Variants in LUC7L2 observed in about 807,000 individuals in gnomAD.
LUC7L2 encodes LUC7 like 2, pre-mRNA splicing factor.
In LUC7L2, 25 loss-of-function variants were observed where a neutral mutation model predicts 52.8. The observed-to-expected ratio is 0.47, with a 90% CI of 0.34 to 0.66. The LOEUF is 0.66. Among genes scored for constraint, LUC7L2 ranks in the 30% least tolerant of loss-of-function variants. LUC7L2 has a pLI of 0.01. For missense variants in LUC7L2, 328 were observed against 497.8 expected, an observed-to-expected ratio of 0.66 and a Z score of 3.25; for synonymous variants, 144 against 160.9, an observed-to-expected ratio of 0.89 and a Z score of 0.80.
At chr7:139,343,397 A>G (rs1466391348) in intron 1 of LUC7L2, among the ~76,000 whole-genome samples, 1 of 152,232 alleles carries the variant, frequency 6.6e-6, no homozygotes, top group Non-Finnish European at 1.5e-5. Flanking sequence ...AACATAGTGT[A>G]GTGAGACTTC....
intron 1 of LUC7L2, chr7:139,375,091 T>C: frequency 3.1e-5 from 31 of 984,220 alleles, no homozygotes; most frequent in Non-Finnish European, 3.7e-5. Context: ...CTTATCATTC[T>C]ATATAGAAAG....
At chr7:139,408,485 AAAAT>A (rs1795212824) in intron 6 of LUC7L2, among the ~76,000 whole-genome samples, 1 of 152,218 alleles carries the variant, frequency 6.6e-6, no homozygotes, top group South Asian at 2.1e-4. Context: ...TAAAAAATAC[AAAAT>A]AATACTAGAA....
chr7:139,387,760 C>CT (rs528269638), intron 2 of LUC7L2, among the ~76,000 whole-genome samples: 18 of 151,724 alleles, frequency 1.2e-4, no homozygotes, highest in East Asian at 1.9e-4. Flanking sequence ...TTTTCTTTTC[C>CT]TTTTTTTTGG....
At position 139,422,694 on chromosome 7, in the gene LUC7L2, T is replaced by G. The variant is rs1795954793; in HGVS notation, c.*354T>G. 1 of 408,250 alleles carries G rather than the reference T, an allele frequency of 2.4e-6. No individual in the cohort carries two copies. The highest frequency in any genetic ancestry group is 4.3e-6 in the Non-Finnish European group (1 of 233,388). The allele number at this position is 408,250 out of a possible 1,614,324, so 25.3% of individuals were successfully genotyped here. On this transcript the variant is annotated 3_prime_UTR_variant, in exon 10 of 10. Coordinates refer to ENST00000354926, the MANE Select transcript of LUC7L2 (RefSeq NM_016019.5). ...TCTTCCTAGTCCAAACAGCTGCAGC[T>G]TTGGGCATTTTTCTTTTTAATTATT... is the stretch of plus-strand genomic sequence containing the variant.
intron 2 of LUC7L2, among the ~76,000 whole-genome samples, chr7:139,385,421 A>G (rs1794150825): frequency 6.6e-6 from 1 of 151,050 alleles, no homozygotes; most frequent in African/African-American, 2.4e-5. Context: ...TCCAGGGTTC[A>G]AGTGATCCTC....
chr7:139,375,103 G>A, intron 1 of LUC7L2: 4 of 984,180 alleles, frequency 4.1e-6, no homozygotes, highest in Non-Finnish European at 4.8e-6. Flanking sequence ...TATAGAAAGA[G>A]GAAACATCCT....
At chr7:139,374,297 G>T in intron 1 of LUC7L2, 1 of 832,566 alleles carries the variant, frequency 1.2e-6, no homozygotes, top group Admixed American at 2.7e-5. Context: ...TTATATAAAA[G>T]AATCTTTACA....
chr7:139,409,396 A>C (rs1289180331), intron 6 of LUC7L2, among the ~76,000 whole-genome samples, 167 bp from the exon 7 acceptor site: 1 of 152,200 alleles, frequency 6.6e-6, no homozygotes, highest in Non-Finnish European at 1.5e-5. Flanking sequence ...TATGGAAAGA[A>C]GACTTGTAGG....
Position 139,402,254 on chromosome 7 carries a change from A to T in LUC7L2, c.366+7A>T. ...TGCTGAAGTAGCAGCAAAGGTAAGA[A>T]TTTTAATCATTTCATTAGTACAAAG... On this transcript the variant is annotated splice_region_variant and intron_variant, in intron 4 of 9. Transcript: ENST00000354926. 6.3e-7 allele frequency: 1 copy of T among 1,583,864 alleles called. No homozygotes were observed.
intron 1 of LUC7L2, chr7:139,374,825 T>C (rs1009010588): frequency 9.3e-7 from 1 of 1,079,600 alleles, no homozygotes; most frequent in Non-Finnish European, 1.1e-6. Context: ...AGTTAAGCTC[T>C]TTAGTATATG....
intron 1 of LUC7L2, among the ~76,000 whole-genome samples, chr7:139,365,129 C>T (rs575878040): frequency 6.6e-6 from 1 of 152,156 alleles, no homozygotes; most frequent in Non-Finnish European, 1.5e-5. Flanking sequence ...CTGAAAGCAC[C>T]TGCATAGTGA....
intron 2 of LUC7L2, among the ~76,000 whole-genome samples, chr7:139,393,325 G>A (rs931286715): frequency 2.0e-5 from 3 of 152,218 alleles, no homozygotes; most frequent in African/African-American, 7.2e-5. Flanking sequence ...TCAGGTGTCA[G>A]GTGGCTTAAG....
chr7:139,392,670 T>C (rs1794492782), intron 2 of LUC7L2: 1 of 198,126 alleles, frequency 5.0e-6, no homozygotes, highest in East Asian at 1.7e-4. Flanking sequence ...CTTGTCTTTT[T>C]TTGAGATGGA....
chr7:139,407,000 G>GTTTTTTTTTTTTTTTTTTTTTTTTTTTT lies in LUC7L2; in HGVS notation c.511-174_511-173insTTTTTTTTTTTTTTTTTTTTTTTTTTTT, dbSNP rs779013466. Reference sequence around the variant, plus strand: ...CATAACAAAATAGCCATGCTTTTGTGGTTTTTTTTTTTTTTTTTTTTTGAG... The same window carrying GTTTTTTTTTTTTTTTTTTTTTTTTTTTT: ...CATAACAAAATAGCCATGCTTTTGTGTTTTTTTTTTTTTTTTTTTTTTTTTTTTGTTTTTTTTTTTTTTTTTTTTTGAG... On this transcript the variant is annotated intron_variant, in intron 5 of 9. Coordinates refer to ENST00000354926, the MANE Select transcript of LUC7L2 (RefSeq NM_016019.5). Among the ~76,000 whole-genome samples, 2 of 111,612 alleles carry GTTTTTTTTTTTTTTTTTTTTTTTTTTTT rather than the reference G, an allele frequency of 1.8e-5. 1 individual carries two copies. 73.2% of individuals were successfully genotyped at this position (111,612 alleles called of 152,430 possible). A position where few individuals can be genotyped will look rare whatever the true frequency, so the allele number is the denominator to read the frequency against.
intron 3 of LUC7L2, among the ~76,000 whole-genome samples, chr7:139,401,146 C>T: frequency 6.6e-6 from 1 of 151,450 alleles, no homozygotes; most frequent in Non-Finnish European, 1.5e-5. Flanking sequence ...AGTGTAGATA[C>T]TGCTAAAATT....
intron 8 of LUC7L2, among the ~76,000 whole-genome samples, chr7:139,415,051 T>C (rs1329219530): frequency 8.3e-6 from 1 of 120,098 alleles, no homozygotes; most frequent in Non-Finnish European, 1.7e-5. Context: ...CATGCCCTGC[T>C]AAGTTTTTTT....
At chr7:139,344,702 T>C (rs1007790357) in intron 1 of LUC7L2, among the ~76,000 whole-genome samples, 34 of 143,822 alleles carry the variant, frequency 2.4e-4, no homozygotes, top group African/African-American at 4.9e-4. Flanking sequence ...TTTCTTTTTT[T>C]TTTTTTTTTT....
Position 139,405,661 on chromosome 7 carries a change from G to A in LUC7L2, c.384G>A (p.Glu128=). The A allele has an allele frequency of 6.2e-7, 1 of 1,607,818 alleles. No homozygotes were observed. Among genetic ancestry groups the A allele is most frequent in the East Asian group, 2.2e-5 (1 of 44,700 alleles). The change falls in exon 5 of 10, where the codon GAG becomes GAA. Residue 128 remains glutamate (E), a synonymous_variant. Coordinates refer to ENST00000354926, the MANE Select transcript of LUC7L2 (RefSeq NM_016019.5). ...CTTTTTAGGCAGAACGTGTTCATGA[G>A]TTAAATGAAGAAATTGGTAAATTGT... ...EVAAKAERVH[E]LNEEIGKLLA... is the part of the protein sequence containing the mutation.
intron 2 of LUC7L2, among the ~76,000 whole-genome samples, chr7:139,396,619 T>C (rs1569385067): frequency 6.6e-6 from 1 of 152,216 alleles, no homozygotes; most frequent in Non-Finnish European, 1.5e-5. Flanking sequence ...TTGTGCAGCC[T>C]GGTTTTGAGA....
Sources: gnomAD v4.1 joint callset for allele counts (sites outside exome capture counted in the v4.1 genomes callset) on GRCh38, gnomAD v4.1.1 for gene constraint, MANE v1.5 for transcripts, NCBI Gene and HGNC (gene_info 2026-07-23, HGNC 2026-07-21) for gene names.